Variants in NBAS observed in about 807,000 individuals in gnomAD.
The protein encoded by NBAS is NAG/BC035112 fusion.
NBAS carries 219 observed loss-of-function variants against 302.5 expected under a neutral mutation model. The ratio of observed to expected loss-of-function variants is 0.72; its 90% CI spans 0.65 to 0.81. The LOEUF (loss-of-function observed/expected upper bound fraction) is 0.81. NBAS is among the 30% of genes least tolerant of loss of function. NBAS has a pLI of 0.00. For synonymous variants in NBAS, 1,118 were observed against 1,021.6 expected (o/e 1.09, Z -1.80); for missense variants, 2,932 against 2,841.6 (o/e 1.03, Z -0.72).
In NBAS at chr2:15,382,907, T is replaced by C. The variant is rs6431694; in HGVS notation, c.3360+308A>G. Among the ~76,000 whole-genome samples the C allele has an allele frequency of 0.61, 92,015 of 151,860 alleles. 28,851 individuals are homozygous for C. The highest frequency in any genetic ancestry group is 0.68 in the Non-Finnish European group (46,011 of 67,924). On this transcript the variant is annotated intron_variant, in intron 29 of 51. Coordinates refer to ENST00000281513, the MANE Select transcript of NBAS (RefSeq NM_015909.4). ...GATGAAGACAGGACAGATTTGAAGG[T>C]CTTTCTCAGATGCATTAGACAAGTG... is the stretch of plus-strand genomic sequence containing the variant.
At chr2:15,064,971 T>C in the NBAS span, among the ~76,000 whole-genome samples, 2 of 152,132 alleles carry the variant, frequency 1.3e-5, no homozygotes, top group Admixed American at 1.3e-4. Context: ...AGAACCCATT[T>C]AGAGGATAAA....
At chr2:15,543,177 C>G (rs546293785) in intron 6 of NBAS, among the ~76,000 whole-genome samples, 2 of 152,272 alleles carry the variant, frequency 1.3e-5, no homozygotes, top group African/African-American at 4.8e-5. Flanking sequence ...GTCTATACCC[C>G]CCGACTCATA....
intron 21 of NBAS, among the ~76,000 whole-genome samples, chr2:15,450,726 G>A (rs1031059346): frequency 6.6e-6 from 1 of 152,044 alleles, no homozygotes; most frequent in African/African-American, 2.4e-5. Flanking sequence ...TTGCTAAACT[G>A]TTCTTTCAAT....
chr2:14,794,594 G>A, the NBAS span, among the ~76,000 whole-genome samples: 2 of 152,058 alleles, frequency 1.3e-5, no homozygotes, highest in South Asian at 4.1e-4. Context: ...TTTAAAAACT[G>A]CTTTATTGGG....
At chr2:15,106,126 C>T in the NBAS span, among the ~76,000 whole-genome samples, 1 of 152,150 alleles carries the variant, frequency 6.6e-6, no homozygotes, top group Non-Finnish European at 1.5e-5. Context: ...ACTGCAAGCT[C>T]TAAATCAAAT....
chr2:15,371,144 G>A (rs191606879), intron 31 of NBAS, among the ~76,000 whole-genome samples: 1 of 152,240 alleles, frequency 6.6e-6, no homozygotes, highest in East Asian at 1.9e-4. Flanking sequence ...TGGTTTAAAA[G>A]CGCGGCACTT....
the NBAS span, among the ~76,000 whole-genome samples, chr2:14,780,968 G>A: frequency 6.6e-6 from 1 of 152,326 alleles, no homozygotes; most frequent in East Asian, 1.9e-4. Context: ...TGCGAAGGCA[G>A]TAAGGGAACT....
At chr2:14,885,175 G>T in the NBAS span, among the ~76,000 whole-genome samples, 1 of 152,204 alleles carries the variant, frequency 6.6e-6, no homozygotes, top group Non-Finnish European at 1.5e-5. Flanking sequence ...TGGATTTGGG[G>T]TGATGACAAG....
At chr2:15,477,399 T>C (rs1035014907) in intron 13 of NBAS, among the ~76,000 whole-genome samples, 1 of 152,062 alleles carries the variant, frequency 6.6e-6, no homozygotes, top group Admixed American at 6.6e-5. Context: ...GTATCTGGGA[T>C]TACAGGTGTG....
chr2:15,314,833 C>T lies in NBAS; in HGVS notation c.4583-5586G>A, dbSNP rs146831431. On this transcript the variant is annotated intron_variant, in intron 38 of 51. Transcript: ENST00000281513. ...AGTTTTATATGCCTACAATGAAATA[C>T]TACTCAATAATTTAAAACAAAAACA... Among the ~76,000 whole-genome samples the T allele has an allele frequency of 1.7e-3, 262 of 152,306 alleles. 3 individuals carry two copies. Among genetic ancestry groups the T allele is most frequent in the Admixed American group, 0.016 (242 of 15,296 alleles).
At chr2:15,244,111 T>C (rs1222605261) in intron 44 of NBAS, among the ~76,000 whole-genome samples, 1 of 152,148 alleles carries the variant, frequency 6.6e-6, no homozygotes, top group East Asian at 1.9e-4. Flanking sequence ...ATCAAAGATA[T>C]ACAGAACAAT....
In NBAS at chr2:15,558,562, G is replaced by A. The variant is rs1464299707; in HGVS notation, c.172+18C>T. The A allele has an allele frequency of 1.9e-6, 3 of 1,606,370 alleles. No individual in the cohort carries two copies. Among genetic ancestry groups the A allele is most frequent in the Non-Finnish European group, 1.7e-6 (2 of 1,174,494 alleles). ...CTGTTAACCATATCATTACTGTAGA[G>A]AAATAAGCTATATTTACCTCGAATT... On this transcript the variant is annotated intron_variant, in intron 2 of 51. Coordinates refer to ENST00000281513, the MANE Select transcript of NBAS (RefSeq NM_015909.4).
intron 21 of NBAS, among the ~76,000 whole-genome samples, chr2:15,443,129 G>A (rs1678524519): frequency 6.6e-6 from 1 of 152,098 alleles, no homozygotes; most frequent in Non-Finnish European, 1.5e-5. Flanking sequence ...CAGAAAAAGA[G>A]GGAATCCTCC....
At chr2:14,849,446 A>G in the NBAS span, among the ~76,000 whole-genome samples, 3 of 151,896 alleles carry the variant, frequency 2.0e-5, no homozygotes, top group Non-Finnish European at 2.9e-5. Flanking sequence ...GACCAAATTT[A>G]CGTCTGATTG....
intron 25 of NBAS, among the ~76,000 whole-genome samples, chr2:15,408,100 T>C (rs1336795382): frequency 6.6e-6 from 1 of 152,206 alleles, no homozygotes; most frequent in Non-Finnish European, 1.5e-5. Flanking sequence ...AAGTCCTTAG[T>C]TTAATCAAAC....
chr2:15,051,694 G>A, the NBAS span, among the ~76,000 whole-genome samples: 1 of 152,110 alleles, frequency 6.6e-6, no homozygotes, highest in Non-Finnish European at 1.5e-5. Context: ...GCTTTAATAC[G>A]TATTGCAATT....
chr2:15,323,652 G>A (rs1671924509), intron 38 of NBAS, among the ~76,000 whole-genome samples: 1 of 151,982 alleles, frequency 6.6e-6, no homozygotes, highest in Non-Finnish European at 1.5e-5. Flanking sequence ...ACAACACGAG[G>A]AGACTCTGTC....
the NBAS span, among the ~76,000 whole-genome samples, chr2:15,101,908 C>T: frequency 9.3e-4 from 141 of 152,338 alleles, no homozygotes; most frequent in African/African-American, 3.2e-3. Flanking sequence ...AGATGGAGAT[C>T]ATAAGGGCAG....
the NBAS span, among the ~76,000 whole-genome samples, chr2:15,149,873 A>T: frequency 1.3e-5 from 2 of 152,106 alleles, no homozygotes; most frequent in Non-Finnish European, 2.9e-5. Flanking sequence ...GGTATTTTGC[A>T]CATGGGCTCT....
Sources: allele counts gnomAD v4.1 joint callset (sites outside exome capture counted in the v4.1 genomes callset), GRCh38; gene constraint gnomAD v4.1.1; transcripts MANE v1.5; gene names NCBI Gene and HGNC (gene_info 2026-07-23, HGNC 2026-07-21).